Variants in DMD observed in about 807,000 individuals in gnomAD.
The protein encoded by DMD is mutant dystrophin.
A neutral mutation model predicts 330.1 loss-of-function variants in DMD; 63 were observed. The ratio of observed to expected loss-of-function variants is 0.19; its 90% CI spans 0.16 to 0.24. The LOEUF is 0.24. Among genes scored for constraint, DMD ranks in the 10% least tolerant of loss-of-function variants. The pLI, the probability that DMD is intolerant of heterozygous loss-of-function variation, is 1.00. For missense variants in DMD, 3,344 were observed against 2,684.1 expected, an observed-to-expected ratio of 1.25 and a Z score of -5.43; for synonymous variants, 1,223 against 959.8, an observed-to-expected ratio of 1.27 and a Z score of -5.07.
At chrX:33,148,146 A>AT (rs1387755096) in intron 1 of DMD, among the ~76,000 whole-genome samples, 2 of 112,285 alleles carry the variant, frequency 1.8e-5, no homozygotes, top group African/African-American at 6.5e-5. Context: ...TTTCAACTCT[A>AT]AATGGCTGCA....
intron 2 of DMD, among the ~76,000 whole-genome samples, chrX:32,964,002 C>T (rs1362328778): frequency 4.5e-5 from 5 of 110,785 alleles, no homozygotes; most frequent in Non-Finnish European, 1.9e-5. Context: ...CGCCTGTAAT[C>T]CCAGCACTTT....
intron 37 of DMD, among the ~76,000 whole-genome samples, chrX:32,357,586 A>T (rs2097807610): frequency 9.2e-6 from 1 of 108,694 alleles, no homozygotes; most frequent in Admixed American, 9.9e-5. Context: ...TAGCTCCCGA[A>T]CTTCATGTCA....
intron 1 of DMD, among the ~76,000 whole-genome samples, chrX:33,137,209 G>C (rs1160269557): frequency 9.0e-6 from 1 of 111,174 alleles, no homozygotes; most frequent in African/African-American, 3.3e-5. Flanking sequence ...GGTGTAGCAA[G>C]ATAAATAAAA....
chrX:33,163,618 C>CTATGTATCTATGTA (rs754180697), intron 1 of DMD, among the ~76,000 whole-genome samples: 6 of 24,845 alleles, frequency 2.4e-4, no homozygotes, highest in African/African-American at 4.5e-4. Context: ...CTATATCTAT[C>CTATGTATCTATGTA]TCTATCTATC....
In DMD at chrX:32,485,872, T is replaced by C. The variant is rs938626968; in HGVS notation, c.2623-773A>G. Among the ~76,000 whole-genome samples, 4 of 105,795 alleles carry C rather than the reference T, an allele frequency of 3.8e-5. No homozygotes were observed. The Admixed American group carries it at 4.2e-4, about 11-fold the overall frequency. 91.9% of individuals were successfully genotyped at this position (105,795 alleles called of 115,157 possible). ...GATTCTTCTGCCTCAGCCTCCTGAGTAGCTGGGATTACAGGTGCCCGCTAC... is the reference window on the plus strand; with the variant it reads ...GATTCTTCTGCCTCAGCCTCCTGAGCAGCTGGGATTACAGGTGCCCGCTAC... On this transcript the variant is annotated intron_variant, in intron 20 of 78. Transcript: ENST00000357033.
intron 7 of DMD, among the ~76,000 whole-genome samples, chrX:32,723,904 T>C (rs926542957): frequency 9.1e-6 from 1 of 110,416 alleles, no homozygotes; most frequent in South Asian, 3.8e-4. Context: ...AAAAATCTCA[T>C]AATGTTTTAA....
Position 32,310,125 on chromosome X carries a change from G to T in DMD, c.6074C>A (p.Ala2025Asp). The T allele has an allele frequency of 8.3e-7, 1 of 1,209,170 alleles. No homozygotes were observed. The highest frequency in any genetic ancestry group is 1.1e-6 in the Non-Finnish European group (1 of 893,777). Reference protein sequence around the residue: ...EQLLNAPDLCAKDFEDLFKQE... With the variant: ...EQLLNAPDLCDKDFEDLFKQE... Reference sequence around the variant, plus strand: ...CTTAAAGAGATCTTCAAAGTCCTTAGCACAGAGGTCAGGAGCATTGAGAAG... The same window carrying T: ...CTTAAAGAGATCTTCAAAGTCCTTATCACAGAGGTCAGGAGCATTGAGAAG... The change falls in exon 42 of 79, where the codon GCT (alanine) becomes GAT (aspartate). Residue 2025 changes from alanine (A) to aspartate (D), a missense_variant. Transcript: ENST00000357033.
intron 1 of DMD, among the ~76,000 whole-genome samples, chrX:33,115,572 C>A (rs1348356533): frequency 3.7e-5 from 4 of 106,955 alleles, no homozygotes; most frequent in Non-Finnish European, 5.8e-5. Context: ...AGCTCAGTGG[C>A]GTGGTCTCGG....
At chrX:31,485,090 C>A (rs1314948370) in intron 57 of DMD, among the ~76,000 whole-genome samples, 2 of 112,204 alleles carry the variant, frequency 1.8e-5, no homozygotes, top group African/African-American at 6.5e-5. Flanking sequence ...ATTTGGAAGC[C>A]ACATAAGTGG....
At chrX:32,811,629 C>T (rs1426546135) in intron 6 of DMD, among the ~76,000 whole-genome samples, 1 of 111,422 alleles carries the variant, frequency 9.0e-6, no homozygotes, top group African/African-American at 3.3e-5. Context: ...TACCATGTTA[C>T]TTGATAATAG....
chrX:33,024,446 C>T (rs1483782892), intron 1 of DMD, among the ~76,000 whole-genome samples: 1 of 112,092 alleles, frequency 8.9e-6, no homozygotes, highest in Non-Finnish European at 1.9e-5. Flanking sequence ...AGAACCACTA[C>T]TTCATAAATT....
chrX:32,822,655 G>A (rs2078367393), intron 5 of DMD, among the ~76,000 whole-genome samples: 1 of 108,778 alleles, frequency 9.2e-6, no homozygotes, highest in Admixed American at 9.9e-5. Context: ...CATGCATATT[G>A]TATATATGTG....
chrX:32,628,750 T>C (rs1602307348), intron 11 of DMD, among the ~76,000 whole-genome samples: 1 of 111,630 alleles, frequency 9.0e-6, no homozygotes, highest in African/African-American at 3.2e-5. Context: ...AATTCTATAG[T>C]TTCCTTCTTA....
chrX:32,397,178 A>C (rs1163421603), intron 30 of DMD, among the ~76,000 whole-genome samples: 1 of 111,797 alleles, frequency 8.9e-6, no homozygotes, highest in Non-Finnish European at 1.9e-5. Context: ...TAGATTTCTA[A>C]GTTGTCCTAA....
intron 54 of DMD, among the ~76,000 whole-genome samples, chrX:31,641,609 A>G (rs2079769345): frequency 1.8e-5 from 2 of 111,431 alleles, no homozygotes; most frequent in Non-Finnish European, 3.8e-5. Flanking sequence ...TAAGTGCAAC[A>G]TCTCTTTGAG....
At chrX:31,222,392 CAAAAAAAA>C (rs57227723) in intron 64 of DMD, among the ~76,000 whole-genome samples, 6 of 20,626 alleles carry the variant, frequency 2.9e-4, no homozygotes, top group African/African-American at 8.1e-4. Flanking sequence ...GACTCCATCT[CAAAAAAAA>C]AAAAAAAAAA....
At chrX:31,993,131 A>C (rs1296610863) in intron 44 of DMD, among the ~76,000 whole-genome samples, 1 of 111,511 alleles carries the variant, frequency 9.0e-6, no homozygotes, top group Admixed American at 9.6e-5. Context: ...TTCCATTCAA[A>C]ATTTAATATG....
chrX:32,570,480 T>G (rs1273136219), intron 15 of DMD, among the ~76,000 whole-genome samples: 1 of 112,191 alleles, frequency 8.9e-6, no homozygotes, highest in Admixed American at 9.5e-5. Flanking sequence ...AGAGCATTTT[T>G]ATGGCCCTGA....
rs773660287 is a variant in DMD at position 31,496,769 on chromosome X, A to T, written c.8547+19T>A. 1.7e-6 allele frequency: 2 copies of T among 1,211,513 alleles called. No homozygotes were observed. Among genetic ancestry groups the T allele is most frequent in the Admixed American group, 4.3e-5 (2 of 46,095 alleles). The stretch of plus-strand genomic sequence containing the variant: ...ATGTGCTTAACATGTGCAAGGCACG[A>T]GGCTTAAAAATGTCCTACCCTATGT... On this transcript the variant is annotated intron_variant, in intron 57 of 78. Coordinates refer to ENST00000357033, the MANE Select transcript of DMD (RefSeq NM_004006.3).
Sources: gnomAD v4.1 joint callset for allele counts (sites outside exome capture counted in the v4.1 genomes callset) on GRCh38, gnomAD v4.1.1 for gene constraint, MANE v1.5 for transcripts, NCBI Gene and HGNC (gene_info 2026-07-23, HGNC 2026-07-21) for gene names.